The following CEP63 variants were observed in gnomAD, a reference collection of about 807,000 sequenced individuals.
The protein encoded by CEP63 is centrosomal protein of 63 kDa.
In CEP63, 84 loss-of-function variants were observed where a neutral mutation model predicts 89.1. That is an observed-to-expected ratio of 0.94 (90% confidence interval 0.79 to 1.13). The LOEUF is 1.13. CEP63 is among the 50% of genes most tolerant of loss of function. CEP63 has a pLI of 0.00. For missense variants in CEP63, 838 were observed against 813.3 expected, an observed-to-expected ratio of 1.03 and a Z score of -0.37; for synonymous variants, 267 against 272.5, an observed-to-expected ratio of 0.98 and a Z score of 0.20.
the CEP63 span, among the ~76,000 whole-genome samples, chr3:134,727,401 AAC>A: frequency 6.6e-6 from 1 of 152,220 alleles, no homozygotes; most frequent in Non-Finnish European, 1.5e-5. Flanking sequence ...GTGCTTGGCA[AAC>A]ACAGATTGAT....
chr3:134,767,752 T>C, the CEP63 span, among the ~76,000 whole-genome samples: 2 of 152,192 alleles, frequency 1.3e-5, no homozygotes, highest in Non-Finnish European at 2.9e-5. Context: ...CTTTGTTTTT[T>C]GAAAGCAAAC....
chr3:134,612,884 A>G, the CEP63 span: 2 of 151,824 alleles, frequency 1.3e-5, no homozygotes, highest in African/African-American at 2.4e-5. Flanking sequence ...ATGGGATTAT[A>G]GGTGATTTTA....
intron 3 of CEP63, among the ~76,000 whole-genome samples, chr3:134,509,169 C>T (rs1944250249): frequency 6.6e-6 from 1 of 152,174 alleles, no homozygotes; most frequent in African/African-American, 2.4e-5. Context: ...AATTGGCTCA[C>T]AGTTCTGTAG....
At chr3:134,647,246 G>A in the CEP63 span, among the ~76,000 whole-genome samples, 2 of 152,202 alleles carry the variant, frequency 1.3e-5, no homozygotes, top group African/African-American at 2.4e-5. Flanking sequence ...AGGAGAGCAG[G>A]GGACCTGACT....
chr3:134,545,998 A>G (rs1185184765), intron 7 of CEP63, 151 bp from the exon 8 acceptor site: 2 of 868,364 alleles, frequency 2.3e-6, no homozygotes, highest in South Asian at 1.7e-5. Context: ...CAATATTGTA[A>G]TATTGTTACG....
chr3:134,771,720 G>A, the CEP63 span, among the ~76,000 whole-genome samples: 1 of 152,106 alleles, frequency 6.6e-6, no homozygotes. Context: ...AACCACCACG[G>A]CACGTGTATA....
the CEP63 span, among the ~76,000 whole-genome samples, chr3:134,611,802 A>G: frequency 6.6e-6 from 1 of 152,230 alleles, no homozygotes; most frequent in Admixed American, 6.5e-5. Context: ...AGTTGCTCTA[A>G]ACAAGAGGGC....
intron 2 of CEP63, among the ~76,000 whole-genome samples, chr3:134,498,674 A>T (rs988800346): frequency 2.6e-5 from 4 of 152,190 alleles, no homozygotes; most frequent in Admixed American, 6.5e-5. Context: ...CCCATCCAGT[A>T]TAATGATACC....
At chr3:134,638,907 G>GGT in the CEP63 span, among the ~76,000 whole-genome samples, 3 of 151,668 alleles carry the variant, frequency 2.0e-5, no homozygotes, top group African/African-American at 4.8e-5. Context: ...AAGACTGTCA[G>GGT]GTGTGTGTGT....
the CEP63 span, among the ~76,000 whole-genome samples, chr3:134,599,735 G>A: frequency 1 from 151,788 of 152,338 alleles, 75,624 homozygotes; most frequent in Middle Eastern, 1. Context: ...GAGCTAACCT[G>A]ATTATGTTTT....
the CEP63 span, among the ~76,000 whole-genome samples, chr3:134,657,201 C>T: frequency 2.0e-5 from 3 of 152,136 alleles, no homozygotes; most frequent in African/African-American, 4.8e-5. Flanking sequence ...GAAGCAAAAG[C>T]GGAAACCCCT....
intron 11 of CEP63, among the ~76,000 whole-genome samples, chr3:134,570,502 C>T (rs1318718049): frequency 6.6e-6 from 1 of 152,220 alleles, no homozygotes; most frequent in Non-Finnish European, 1.5e-5. Flanking sequence ...CACCTTTGCT[C>T]CAGTTCCCAA....
chr3:134,507,370 A>G (rs1943729865), intron 3 of CEP63, 84 bp downstream of exon 3: 1 of 1,041,038 alleles, frequency 9.6e-7, no homozygotes, highest in Non-Finnish European at 1.4e-6. Flanking sequence ...TTGTTGAAGA[A>G]AGAATTTGTA....
chr3:134,597,479 C>T, the CEP63 span, among the ~76,000 whole-genome samples: 7 of 152,300 alleles, frequency 4.6e-5, no homozygotes, highest in South Asian at 1.5e-3. Flanking sequence ...CTTGTGTGTG[C>T]TGCACAGGTC....
At chr3:134,526,467 T>C (rs1948659947) in intron 3 of CEP63, among the ~76,000 whole-genome samples, 1 of 152,192 alleles carries the variant, frequency 6.6e-6, no homozygotes, top group South Asian at 2.1e-4. Context: ...TACATTCTTC[T>C]CTATACTGCC....
chr3:134,547,234 C>G, intron 8 of CEP63, 101 bp from the exon 9 acceptor site: 1 of 1,119,000 alleles, frequency 8.9e-7, no homozygotes. Flanking sequence ...TGAAGAGTTC[C>G]AAAGAGGTTA....
intron 3 of CEP63, among the ~76,000 whole-genome samples, chr3:134,518,800 A>G (rs1398761519): frequency 1.3e-5 from 2 of 152,098 alleles, no homozygotes; most frequent in East Asian, 1.9e-4. Context: ...GAAAAGATGT[A>G]ATAAAGATAA....
chr3:134,738,285 CACA>C, the CEP63 span, among the ~76,000 whole-genome samples: 54 of 131,418 alleles, frequency 4.1e-4, no homozygotes, highest in African/African-American at 1.2e-3. Flanking sequence ...CACACACACA[CACA>C]CCACAATATC....
intron 1 of CEP63, among the ~76,000 whole-genome samples, chr3:134,488,462 A>G (rs1936440700): frequency 6.6e-6 from 1 of 151,944 alleles, no homozygotes; most frequent in African/African-American, 2.4e-5. Flanking sequence ...CAATAAAATT[A>G]GCCGAGTGTG....
Sources: allele counts gnomAD v4.1 joint callset (sites outside exome capture counted in the v4.1 genomes callset), GRCh38; gene constraint gnomAD v4.1.1; transcripts MANE v1.5; gene names NCBI Gene and HGNC (gene_info 2026-07-23, HGNC 2026-07-21).